The following FER1L6 variants were observed in gnomAD, a reference collection of about 807,000 sequenced individuals.
FER1L6 encodes the protein fer-1 like family member 6.
FER1L6 carries 177 observed loss-of-function variants against 219.2 expected under a neutral mutation model. The ratio of observed to expected loss-of-function variants is 0.81; its 90% CI spans 0.71 to 0.91. FER1L6 has a LOEUF of 0.91. Ranked by LOEUF, FER1L6 falls within the 40% of genes least tolerant of loss-of-function variation. The probability of loss-of-function intolerance (pLI) is 0.00; values close to 1 mark genes in which losing one functional copy is unlikely to be tolerated. For synonymous variants in FER1L6, 768 were observed against 824.3 expected (o/e 0.93, Z 1.17); for missense variants, 2,153 against 2,259.9 (o/e 0.95, Z 0.96).
At chr8:123,875,276 C>G (rs1247927035) in intron 1 of FER1L6, among the ~76,000 whole-genome samples, 1 of 152,210 alleles carries the variant, frequency 6.6e-6, no homozygotes, top group Non-Finnish European at 1.5e-5. Context: ...CCAATTCTCT[C>G]TTGAATCAAC....
chr8:124,078,540 TG>T (rs1357963862), intron 32 of FER1L6, among the ~76,000 whole-genome samples: 1 of 152,214 alleles, frequency 6.6e-6, no homozygotes, highest in Non-Finnish European at 1.5e-5. Context: ...TCACAATTAC[TG>T]GGAATCCACC....
intron 23 of FER1L6, 108 bp downstream of exon 23, chr8:124,060,398 G>C (rs1304691766): frequency 1.4e-6 from 2 of 1,428,198 alleles, no homozygotes; most frequent in African/African-American, 2.8e-5. Flanking sequence ...TAGAGAAAAA[G>C]AATGAGCCCT....
At chr8:123,948,503 C>T (rs1230761499) in intron 1 of FER1L6, among the ~76,000 whole-genome samples, 1 of 152,094 alleles carries the variant, frequency 6.6e-6, no homozygotes, top group Non-Finnish European at 1.5e-5. Flanking sequence ...ATTCATTCAT[C>T]TTATTTTGTA....
intron 1 of FER1L6, among the ~76,000 whole-genome samples, chr8:123,894,403 T>C (rs4333576): frequency 0.14 from 21,099 of 152,156 alleles, 1,471 homozygotes; most frequent in Middle Eastern, 0.2. Context: ...TTGGCAATAA[T>C]TGTTGTCTCA....
intron 7 of FER1L6, among the ~76,000 whole-genome samples, chr8:123,974,646 C>T (rs1020134577): frequency 4.1e-5 from 3 of 73,066 alleles, no homozygotes; most frequent in South Asian, 3.5e-4. Context: ...GGCATCACAG[C>T]GAGACTCTGT....
chr8:124,062,509 G>A (rs1400407106), intron 25 of FER1L6, among the ~76,000 whole-genome samples: 2 of 152,060 alleles, frequency 1.3e-5, no homozygotes, highest in Admixed American at 1.3e-4. Context: ...AATTTAAGTC[G>A]ATTTAATCTA....
chr8:124,068,308 A>G (rs1820910596), intron 28 of FER1L6, among the ~76,000 whole-genome samples: 1 of 152,216 alleles, frequency 6.6e-6, no homozygotes, highest in African/African-American at 2.4e-5. Context: ...TAGAAGTGGA[A>G]AAACTAGAGC....
intron 13 of FER1L6, among the ~76,000 whole-genome samples, chr8:124,007,949 C>A (rs989288884): frequency 3.3e-5 from 5 of 152,112 alleles, no homozygotes; most frequent in Non-Finnish European, 7.4e-5. Flanking sequence ...TTTAAAATTG[C>A]CTTTTTCCAT....
At chr8:124,036,884 T>C (rs1338299363) in intron 19 of FER1L6, among the ~76,000 whole-genome samples, 1 of 152,220 alleles carries the variant, frequency 6.6e-6, no homozygotes, top group Non-Finnish European at 1.5e-5. Context: ...GAGAATTTTG[T>C]GCTCCAGAAA....
intron 1 of FER1L6, among the ~76,000 whole-genome samples, chr8:123,953,523 G>T (rs933233571): frequency 1.3e-5 from 2 of 152,138 alleles, no homozygotes; most frequent in African/African-American, 4.8e-5. Context: ...ACAAGGTGGG[G>T]CATCTCGTCC....
chr8:124,053,969 T>G (rs1338125329), intron 22 of FER1L6, among the ~76,000 whole-genome samples: 1 of 152,212 alleles, frequency 6.6e-6, no homozygotes, highest in African/African-American at 2.4e-5. Flanking sequence ...CTCCCTATCC[T>G]GACTCATAGC....
intron 13 of FER1L6, among the ~76,000 whole-genome samples, chr8:124,007,097 C>T (rs1363805941): frequency 2.6e-5 from 4 of 152,228 alleles, no homozygotes; most frequent in African/African-American, 9.6e-5. Context: ...TGTGGCTTCT[C>T]TTCTGAGTAA....
At chr8:123,970,603 C>T (rs1350996642) in intron 6 of FER1L6, among the ~76,000 whole-genome samples, 2 of 152,106 alleles carry the variant, frequency 1.3e-5, no homozygotes, top group Non-Finnish European at 2.9e-5. Context: ...GTGATTTGGA[C>T]TAAGTGGTGG....
intron 1 of FER1L6, among the ~76,000 whole-genome samples, chr8:123,919,285 A>T (rs1813287799): frequency 6.6e-6 from 1 of 152,220 alleles, no homozygotes; most frequent in African/African-American, 2.4e-5. Context: ...ACCTCTTCTC[A>T]TGCCTTAGGT....
chr8:123,962,433 G>C (rs1201486373), intron 2 of FER1L6, among the ~76,000 whole-genome samples: 5 of 151,986 alleles, frequency 3.3e-5, no homozygotes, highest in African/African-American at 1.2e-4. Context: ...CATGACTTAA[G>C]CTTTGCCTGT....
At chr8:123,910,580 C>T (rs1813033401) in intron 1 of FER1L6, among the ~76,000 whole-genome samples, 1 of 151,152 alleles carries the variant, frequency 6.6e-6, no homozygotes, top group African/African-American at 2.4e-5. Flanking sequence ...TGAGTTAGCT[C>T]TTTTTTTTTG....
intron 38 of FER1L6, 84 bp downstream of exon 38, chr8:124,101,422 A>C: frequency 1.5e-6 from 2 of 1,297,178 alleles, no homozygotes; most frequent in Non-Finnish European, 2.1e-6. Flanking sequence ...TTTAGTTACA[A>C]GACTAATAAT....
intron 1 of FER1L6, among the ~76,000 whole-genome samples, chr8:123,873,744 G>A (rs891566888): frequency 9.9e-5 from 15 of 152,090 alleles, no homozygotes; most frequent in Non-Finnish European, 1.8e-4. Context: ...GGATGATCAT[G>A]TCATCTTCTG....
intron 32 of FER1L6, among the ~76,000 whole-genome samples, chr8:124,081,021 G>T (rs765560509): frequency 4.6e-5 from 7 of 152,148 alleles, no homozygotes; most frequent in Non-Finnish European, 1.0e-4. Flanking sequence ...ATTGGCTTGG[G>T]CATGCTGCAG....
Sources: allele counts gnomAD v4.1 joint callset (sites outside exome capture counted in the v4.1 genomes callset), GRCh38; gene constraint gnomAD v4.1.1; transcripts MANE v1.5; gene names NCBI Gene and HGNC (gene_info 2026-07-23, HGNC 2026-07-21).